The following KCNJ12 variants were observed in gnomAD, a reference collection of about 807,000 sequenced individuals.
The protein encoded by KCNJ12 is ATP-sensitive inward rectifier potassium channel 12.
In KCNJ12, 2 loss-of-function variants were observed where a neutral mutation model predicts 22.3. The observed-to-expected ratio is 0.09, with a 90% CI of 0.04 to 0.28. The LOEUF (loss-of-function observed/expected upper bound fraction) is 0.28. Ranked by LOEUF, KCNJ12 falls within the 10% of genes least tolerant of loss-of-function variation. The pLI is 1.00. For missense variants in KCNJ12, 155 were observed against 633.3 expected (o/e 0.24, Z 8.11); for synonymous variants, 117 against 261.4 (o/e 0.45, Z 5.33).
chr17:21,414,270 T>C (rs2142078258), intron 2 of KCNJ12, among the ~76,000 whole-genome samples: 1 of 152,328 alleles, frequency 6.6e-6, no homozygotes, highest in South Asian at 2.1e-4. Flanking sequence ...AGGTCAAGAG[T>C]TTGAGACCAG....
chr17:21,382,970 C>T (rs1014287191), intron 1 of KCNJ12, among the ~76,000 whole-genome samples: 21 of 152,196 alleles, frequency 1.4e-4, no homozygotes, highest in Non-Finnish European at 1.5e-4. Flanking sequence ...TCCCCACAGC[C>T]GGAGGTCACA....
chr17:21,379,215 CT>C (rs1254729982), intron 1 of KCNJ12, among the ~76,000 whole-genome samples: 3 of 152,248 alleles, frequency 2.0e-5, no homozygotes, highest in Admixed American at 2.0e-4. Context: ...GCAGTTTTCT[CT>C]GCCTAGCCAG....
rs1212125795 is a variant in KCNJ12, at chr17:21,417,336, T to C, written c.*692T>C. ...GTTTGTGATAGAAAAATCAAGACCA[T>C]GTTAATGATCGTAATAAAAGCTTTC... On this transcript the variant is annotated 3_prime_UTR_variant, in exon 3 of 3. Transcript: ENST00000583088. 1 of 166,998 alleles carries C rather than the reference T, an allele frequency of 6.0e-6. No individual in the cohort carries two copies. The highest frequency in any genetic ancestry group is 2.4e-5 in the African/African-American group (1 of 41,416). The allele number at this position is 166,998 out of a possible 1,614,324, so 10.3% of individuals were successfully genotyped here.
chr17:21,377,964 C>A (rs1597548620), intron 1 of KCNJ12, among the ~76,000 whole-genome samples: 1 of 152,340 alleles, frequency 6.6e-6, no homozygotes, highest in East Asian at 1.9e-4. Context: ...CAGGTTCGAG[C>A]CCTGCAATAA....
At chr17:21,391,795 G>A (rs1461475977) in intron 1 of KCNJ12, among the ~76,000 whole-genome samples, 1 of 152,208 alleles carries the variant, frequency 6.6e-6, no homozygotes, top group South Asian at 2.1e-4. Flanking sequence ...CATCTACCTC[G>A]AGCCTGTGGT....
In KCNJ12 at chr17:21,419,054, C is replaced by A; in HGVS notation, c.*2410C>A. The A allele has an allele frequency of 6.0e-6, 1 of 167,130 alleles. No individual in the cohort carries two copies. 10.4% of individuals were successfully genotyped at this position (167,130 alleles called of 1,614,324 possible). A position where few individuals can be genotyped will look rare whatever the true frequency, so the allele number is the denominator to read the frequency against. On this transcript the variant is annotated 3_prime_UTR_variant, in exon 3 of 3. Transcript: ENST00000583088. ...TTCTCCTGCCCTCTTTCTTCCTTCC[C>A]TCGTATTTATTTATTTATTTATTGC...
Position 21,415,267 on chromosome 17 carries a change from T to C in KCNJ12, c.-56-20T>C, listed in dbSNP as rs1286549872. On this transcript the variant is annotated intron_variant, in intron 2 of 2. Coordinates refer to ENST00000583088, the MANE Select transcript of KCNJ12 (RefSeq NM_021012.5). ...CCGGAGCCACCAGCCCAGCCAGACA[T>C]GCTGTCGTCTCTGTTGCAGGAGCCG... 1.9e-4 allele frequency: 289 copies of C among 1,548,796 alleles called. No individual in the cohort carries two copies. The highest frequency in any genetic ancestry group is 3.1e-5 in the Non-Finnish European group (36 of 1,153,286).
At chr17:21,405,878 T>G (rs76653292) in intron 1 of KCNJ12, among the ~76,000 whole-genome samples, 10 of 152,426 alleles carry the variant, frequency 6.6e-5, no homozygotes, top group African/African-American at 1.9e-4. Flanking sequence ...CAGGAAAGTC[T>G]CTTCTCTGCT....
chr17:21,394,893 CG>C (rs1567699259), intron 1 of KCNJ12, among the ~76,000 whole-genome samples: 1 of 152,162 alleles, frequency 6.6e-6, no homozygotes, highest in Non-Finnish European at 1.5e-5. Flanking sequence ...CCACAGCAAA[CG>C]GGTCCCTGGA....
intron 1 of KCNJ12, among the ~76,000 whole-genome samples, chr17:21,377,595 C>T (rs929514451): frequency 1.3e-5 from 2 of 152,040 alleles, no homozygotes; most frequent in South Asian, 2.1e-4. Context: ...TGCGCGCGCA[C>T]GGCCTCTCCG....
chr17:21,411,757 A>G (rs1389929379), intron 2 of KCNJ12, among the ~76,000 whole-genome samples: 2 of 152,412 alleles, frequency 1.3e-5, no homozygotes, highest in African/African-American at 2.4e-5. Context: ...TATGCACCCC[A>G]TTGAGCAAGA....
chr17:21,401,457 G>T (rs79413162), intron 1 of KCNJ12, among the ~76,000 whole-genome samples: 6 of 152,252 alleles, frequency 3.9e-5, no homozygotes, highest in African/African-American at 1.4e-4. Context: ...TGTGGGCCGA[G>T]CTCAGAGCTC....
At chr17:21,401,334 C>G (rs1409286349) in intron 1 of KCNJ12, among the ~76,000 whole-genome samples, 1 of 152,274 alleles carries the variant, frequency 6.6e-6, no homozygotes, top group Non-Finnish European at 1.5e-5. Context: ...AATGCCCAGG[C>G]CAGGCATTGT....
At chr17:21,404,541 A>C (rs1337572626) in intron 1 of KCNJ12, among the ~76,000 whole-genome samples, 5 of 152,272 alleles carry the variant, frequency 3.3e-5, no homozygotes, top group Non-Finnish European at 1.5e-5. Flanking sequence ...GGAGACCCAG[A>C]GAGGGACAGA....
chr17:21,390,198 C>T (rs997594327), intron 1 of KCNJ12, among the ~76,000 whole-genome samples: 1 of 152,214 alleles, frequency 6.6e-6, no homozygotes, highest in African/African-American at 2.4e-5. Flanking sequence ...TCACCCCTCA[C>T]CCACAGGGCC....
intron 2 of KCNJ12, among the ~76,000 whole-genome samples, chr17:21,414,482 A>G: frequency 6.6e-6 from 1 of 151,912 alleles, no homozygotes; most frequent in Non-Finnish European, 1.5e-5. Context: ...TCTAAAAAAG[A>G]AAAAAAGAAA....
At chr17:21,387,662 A>T (rs1905112544) in intron 1 of KCNJ12, among the ~76,000 whole-genome samples, 1 of 151,886 alleles carries the variant, frequency 6.6e-6, no homozygotes, top group African/African-American at 2.4e-5. Context: ...TTTTATTATT[A>T]TGTCTGTCAG....
intron 1 of KCNJ12, among the ~76,000 whole-genome samples, chr17:21,383,422 G>T (rs546185698): frequency 6.6e-6 from 1 of 152,162 alleles, no homozygotes; most frequent in African/African-American, 2.4e-5. Context: ...GGGTCCAGGG[G>T]AGCTTGGCGT....
chr17:21,386,260 C>T (rs1555558619), intron 1 of KCNJ12, among the ~76,000 whole-genome samples: 3 of 152,212 alleles, frequency 2.0e-5, no homozygotes, highest in Non-Finnish European at 4.4e-5. Flanking sequence ...CCTGGCATTC[C>T]TTGGCTTGTG....
Sources: gnomAD v4.1 joint callset for allele counts (sites outside exome capture counted in the v4.1 genomes callset) on GRCh38, gnomAD v4.1.1 for gene constraint, MANE v1.5 for transcripts, NCBI Gene and HGNC (gene_info 2026-07-23, HGNC 2026-07-21) for gene names.